PGLYRP3: variants seen among roughly 807,000 people sequenced by gnomAD.
PGLYRP3 encodes peptidoglycan recognition protein 3.
A neutral mutation model predicts 36.0 loss-of-function variants in PGLYRP3; 39 were observed. The observed-to-expected ratio is 1.08, with a 90% confidence interval of 0.84 to 1.41. PGLYRP3 has a LOEUF of 1.41. Ranked by LOEUF, PGLYRP3 falls within the 40% of genes most tolerant of loss-of-function variation. The pLI is 0.00. For missense variants in PGLYRP3, 407 were observed against 427.9 expected (o/e 0.95, Z 0.43); for synonymous variants, 204 against 172.8 (o/e 1.18, Z -1.42).
Position 153,310,724 on chromosome 1 carries a change from AGTT to A in PGLYRP3, c.-41-21_-41-19del. ...CGGCAGCCCTGGAAGAGAGGCTAAC[AGTT>A]AACACAACCATGCTAACTCTGCAAG... On this transcript the variant is annotated intron_variant, in intron 1 of 7. Transcript: ENST00000683862. The A allele has an allele frequency of 6.8e-7, 1 of 1,467,682 alleles. No individual in the cohort carries two copies. The highest frequency in any genetic ancestry group is 9.5e-7 in the Non-Finnish European group (1 of 1,049,858). 90.9% of individuals were successfully genotyped at this position (1,467,682 alleles called of 1,614,324 possible). A position where few individuals can be genotyped will look rare whatever the true frequency, so the allele number is the denominator to read the frequency against.
In PGLYRP3 at chr1:153,297,615, CAAAG is replaced by C. The variant is rs985077945; in HGVS notation, c.*337_*340del. Among the ~76,000 whole-genome samples, 13 of 144,102 alleles carry C rather than the reference CAAAG, an allele frequency of 9.0e-5. No homozygotes were observed. Among genetic ancestry groups the C allele is most frequent in the African/African-American group, 3.0e-4 (11 of 36,824 alleles). The allele number at this position is 144,102 out of a possible 152,430, so 94.5% of individuals were successfully genotyped here. A position where few individuals can be genotyped will look rare whatever the true frequency, so the allele number is the denominator to read the frequency against. On this transcript the variant is annotated 3_prime_UTR_variant, in exon 8 of 8. Coordinates refer to ENST00000683862, the MANE Select transcript of PGLYRP3 (RefSeq NM_052891.3). ...AAGAAAGAAAGAAAGAGAAAGGAAG[CAAAG>C]AAAGAAAGAAGAGGAGACAGGGGTT... is the stretch of plus-strand genomic sequence containing the variant.
At chr1:153,311,240 T>TA (rs781502047) in intron 1 of PGLYRP3, among the ~76,000 whole-genome samples, 3 of 152,192 alleles carry the variant, frequency 2.0e-5, no homozygotes, top group Non-Finnish European at 4.4e-5. Flanking sequence ...GTTGTTCGAC[T>TA]AACCTCTTCT....
At chr1:153,299,082 A>G (rs769246396) in intron 7 of PGLYRP3, 31 bp downstream of exon 7, 1 of 1,573,810 alleles carries the variant, frequency 6.4e-7, no homozygotes, top group South Asian at 1.1e-5. Context: ...TTCAACCCCC[A>G]GCACCCCTCT....
intron 4 of PGLYRP3, 129 bp downstream of exon 4, chr1:153,304,818 C>T: frequency 1.5e-6 from 1 of 674,554 alleles, no homozygotes; most frequent in Non-Finnish European, 2.4e-6. Flanking sequence ...AAAAGAATTT[C>T]AAGAGAAGGG....
chr1:153,311,065 G>A (rs2101529091), intron 1 of PGLYRP3, among the ~76,000 whole-genome samples: 1 of 152,148 alleles, frequency 6.6e-6, no homozygotes, highest in Non-Finnish European at 1.5e-5. Flanking sequence ...ATATCTAGTG[G>A]TGCAATTTCA....
chr1:153,311,932 G>T (rs1220364668), intron 1 of PGLYRP3, among the ~76,000 whole-genome samples: 3 of 152,166 alleles, frequency 2.0e-5, no homozygotes, highest in Non-Finnish European at 4.4e-5. Flanking sequence ...AATGAGGCAG[G>T]CACCTAATAA....
At position 153,312,904 on chromosome 1, in the gene PGLYRP3, G is replaced by A. The variant is rs1359900321; in HGVS notation, c.-303C>T. On this transcript the variant is annotated 5_prime_UTR_variant, in exon 1 of 8. Coordinates refer to ENST00000683862, the MANE Select transcript of PGLYRP3 (RefSeq NM_052891.3). ...GATGGAAGAGAAGAGAAAGGCAGAG[G>A]GCTGAGGCTCCAAGCCAGCTCTGTT... 6.6e-6 allele frequency among the ~76,000 whole-genome samples: 1 copy of A among 152,178 alleles called. No individual in the cohort carries two copies. The highest frequency in any genetic ancestry group is 1.9e-4 in the East Asian group (1 of 5,182).
rs1557805503 is a variant in PGLYRP3 at position 153,297,584 on chromosome 1, GA to G, written c.*371del. On this transcript the variant is annotated 3_prime_UTR_variant, in exon 8 of 8. Transcript: ENST00000683862. ...GAAAAAGAAAGAAAGAAAGAAAGAA[GA>G]AAGAAAGAAAGAAAGAAAGAGAAAG... Among the ~76,000 whole-genome samples, 10 of 46,928 alleles carry G rather than the reference GA, an allele frequency of 2.1e-4. 1 individual carries two copies. 30.8% of individuals were successfully genotyped at this position (46,928 alleles called of 152,430 possible).
At chr1:153,298,595 A>C (rs1409368665) in intron 7 of PGLYRP3, among the ~76,000 whole-genome samples, 1 of 152,170 alleles carries the variant, frequency 6.6e-6, no homozygotes, top group African/African-American at 2.4e-5. Context: ...GTGAGCCGAC[A>C]TCACGCCGCT....
chr1:153,299,918 C>T (rs764283217), intron 6 of PGLYRP3, among the ~76,000 whole-genome samples: 3 of 152,230 alleles, frequency 2.0e-5, no homozygotes, highest in Non-Finnish European at 2.9e-5. Context: ...CCAACTGCCA[C>T]GATCCCACTG....
chr1:153,310,648 C>T lies in PGLYRP3; in HGVS notation c.18G>A (p.Trp6Ter). MGTLP[W>*]LLAFFILGLQ... ...GACCCAGAATGAAGAAGGCAAGAAG[C>T]CATGGCAGCGTCCCCATGTGGTCCC... Residue 6 changes from tryptophan (W) to a stop codon, truncating the protein, a stop_gained, in exon 2 of 8, where the codon TGG becomes TGA. Transcript: ENST00000683862. LOFTEE classifies it high-confidence loss of function. 1.2e-6 allele frequency: 2 copies of T among 1,614,098 alleles called. No homozygotes were observed. Among genetic ancestry groups the T allele is most frequent in the Non-Finnish European group, 1.7e-6 (2 of 1,179,954 alleles).
chr1:153,302,872 G>T (rs1390887265), intron 5 of PGLYRP3, among the ~76,000 whole-genome samples: 1 of 152,220 alleles, frequency 6.6e-6, no homozygotes, highest in Admixed American at 6.5e-5. Context: ...GGAAAGGGCT[G>T]TGGGTTATAC....
rs539862550 is a variant in PGLYRP3 at position 153,297,627 on chromosome 1, G to A, written c.*329C>T. Among the ~76,000 whole-genome samples the A allele has an allele frequency of 1.4e-4, 22 of 151,846 alleles. No individual in the cohort carries two copies. The highest frequency in any genetic ancestry group is 5.3e-4 in the African/African-American group (22 of 41,332). The stretch of plus-strand genomic sequence containing the variant: ...AAGAGAAAGGAAGCAAAGAAAGAAA[G>A]AAGAGGAGACAGGGGTTGGGGGGAG... On this transcript the variant is annotated 3_prime_UTR_variant, in exon 8 of 8. Coordinates refer to ENST00000683862, the MANE Select transcript of PGLYRP3 (RefSeq NM_052891.3).
Position 153,302,502 on chromosome 1 carries a change from G to T in PGLYRP3, c.635C>A (p.Thr212Lys). Reference sequence around the variant, plus strand: ...GCAGTCTGTGGATACAGTGCAGCTTGTGCCAGCGGTGTGGATGATGATGAC... The same window carrying T: ...GCAGTCTGTGGATACAGTGCAGCTTTTGCCAGCGGTGTGGATGATGATGAC... ...KYVIIIHTAGTSCTVSTDCQT... is the reference protein window; with the variant it reads ...KYVIIIHTAGKSCTVSTDCQT... The change falls in exon 6 of 8, where the codon ACA becomes AAA. Residue 212 changes from threonine (T) to lysine (K), a missense_variant. Thr to Lys is a moderately conservative substitution (Grantham distance 78, BLOSUM62 -1). Coordinates refer to ENST00000683862, the MANE Select transcript of PGLYRP3 (RefSeq NM_052891.3). 6.2e-7 allele frequency: 1 copy of T among 1,614,238 alleles called. No homozygotes were observed. Among genetic ancestry groups the T allele is most frequent in the Non-Finnish European group, 8.5e-7 (1 of 1,180,042 alleles).
chr1:153,297,899 G>A lies in PGLYRP3; in HGVS notation c.*57C>T, dbSNP rs547054858. On this transcript the variant is annotated 3_prime_UTR_variant, in exon 8 of 8. Transcript: ENST00000683862. ...GGTGCTGAGCCACCTTGGCTGGTGAGGGTTGGAGAGACCCAGCAGGGGAGG... is the reference window on the plus strand; with the variant it reads ...GGTGCTGAGCCACCTTGGCTGGTGAAGGTTGGAGAGACCCAGCAGGGGAGG... 74 of 1,586,142 alleles carry A rather than the reference G, an allele frequency of 4.7e-5. No individual in the cohort carries two copies. In the African/African-American group the frequency reaches 5.4e-4, roughly 11 times the overall value.
Position 153,312,807 on chromosome 1 carries a change from C to T in PGLYRP3, c.-206G>A, listed in dbSNP as rs538628137. 1.3e-5 allele frequency among the ~76,000 whole-genome samples: 2 copies of T among 152,282 alleles called. No homozygotes were observed. Among genetic ancestry groups the T allele is most frequent in the East Asian group, 3.9e-4 (2 of 5,182 alleles). On this transcript the variant is annotated 5_prime_UTR_variant, in exon 1 of 8. Transcript: ENST00000683862. ...CTCCCCCTGGCCCTAGAGGGCACTC[C>T]CTCCCTGGGAATGGAGCACTTGGGC...
At chr1:153,300,034 C>T (rs1192887509) in intron 6 of PGLYRP3, among the ~76,000 whole-genome samples, 1 of 152,146 alleles carries the variant, frequency 6.6e-6, no homozygotes, top group Non-Finnish European at 1.5e-5. Flanking sequence ...CAAATCCTAT[C>T]ATAGAGCATG....
Position 153,297,743 on chromosome 1 carries a change from GTCTAAAC to G in PGLYRP3, c.*206_*212del, listed in dbSNP as rs1659474972. 9.4e-6 allele frequency: 5 copies of G among 533,036 alleles called. No homozygotes were observed. In the East Asian group the frequency reaches 1.6e-4, roughly 17 times the overall value. 33.0% of individuals were successfully genotyped at this position (533,036 alleles called of 1,614,324 possible). ...GAGAGGTAGGTAAAAGAGAGGGGAAGTCTAAACTCAGACCAAGAGGGCTGTGAATGCC... is the reference window on the plus strand; with the variant it reads ...GAGAGGTAGGTAAAAGAGAGGGGAAGTCAGACCAAGAGGGCTGTGAATGCC... On this transcript the variant is annotated 3_prime_UTR_variant, in exon 8 of 8. Transcript: ENST00000683862.
Position 153,310,685 on chromosome 1 carries a change from C to T in PGLYRP3, c.-20G>A, listed in dbSNP as rs201396205. ...CCCCATGTGGTCCCAGGACTCTGACCGGGAGAGTGTGGACGGCAGCCCTGG... is the reference window on the plus strand; with the variant it reads ...CCCCATGTGGTCCCAGGACTCTGACTGGGAGAGTGTGGACGGCAGCCCTGG... On this transcript the variant is annotated 5_prime_UTR_variant, in exon 2 of 8. Transcript: ENST00000683862. 125 of 1,612,948 alleles carry T rather than the reference C, an allele frequency of 7.7e-5. No homozygotes were observed. The East Asian group carries it at 1.9e-3, about 25-fold the overall frequency.
Sources: allele counts gnomAD v4.1 joint callset (sites outside exome capture counted in the v4.1 genomes callset), GRCh38; gene constraint gnomAD v4.1.1; transcripts MANE v1.5; gene names NCBI Gene and HGNC (gene_info 2026-07-23, HGNC 2026-07-21).